GNPTAB: variants seen among roughly 807,000 people sequenced by gnomAD.
The protein encoded by GNPTAB is N-acetylglucosamine-1-phosphotransferase subunits alpha/beta.
GNPTAB carries 92 observed loss-of-function variants against 136.6 expected under a neutral mutation model. That is an observed-to-expected ratio of 0.67 (90% CI 0.57 to 0.80). GNPTAB has a LOEUF of 0.80. Among genes scored for constraint, GNPTAB ranks in the 30% least tolerant of loss-of-function variants. The pLI, the probability that GNPTAB is intolerant of heterozygous loss-of-function variation, is 0.00. For synonymous variants in GNPTAB, 512 were observed against 535.1 expected, an observed-to-expected ratio of 0.96 and a Z score of 0.60; for missense variants, 1,343 against 1,501.8, an observed-to-expected ratio of 0.89 and a Z score of 1.75.
Position 101,759,948 on chromosome 12 carries a change from A to C in GNPTAB, c.3249+82T>G. ...ACCATAGAGCCTGCTGCTAGTTCTG[A>C]AGTGCTATACAGAAATGCTGTAAGT... On this transcript the variant is annotated intron_variant, in intron 16 of 20. Transcript: ENST00000299314. The C allele has an allele frequency of 3.6e-6, 3 of 840,702 alleles. 1 individual carries two copies. In the South Asian group the frequency reaches 4.0e-5, roughly 11 times the overall value. The allele number at this position is 840,702 out of a possible 1,614,324, so 52.1% of individuals were successfully genotyped here.
chr12:101,776,961 C>A (rs572255310), intron 7 of GNPTAB, among the ~76,000 whole-genome samples: 1 of 152,302 alleles, frequency 6.6e-6, no homozygotes, highest in African/African-American at 2.4e-5. Context: ...ACAGCCCTCT[C>A]CTCTGACATG....
At chr12:101,779,849 T>C (rs1953313590) in intron 7 of GNPTAB, 1 of 411,182 alleles carries the variant, frequency 2.4e-6, no homozygotes, top group African/African-American at 2.0e-5. Context: ...CACCCGATCT[T>C]GTCTGATCTC....
intron 7 of GNPTAB, among the ~76,000 whole-genome samples, chr12:101,777,629 C>T (rs1594227166): frequency 1.3e-5 from 2 of 152,164 alleles, no homozygotes; most frequent in Admixed American, 1.3e-4. Flanking sequence ...CACCTAAAGC[C>T]CAGATGTTCT....
intron 7 of GNPTAB, among the ~76,000 whole-genome samples, chr12:101,777,141 G>T (rs941056238): frequency 4.6e-5 from 7 of 152,182 alleles, no homozygotes; most frequent in Non-Finnish European, 7.3e-5. Flanking sequence ...TGAATAGCTT[G>T]TAAGTCACCA....
intron 5 of GNPTAB, 55 bp from the exon 6 acceptor site, chr12:101,780,676 T>C: frequency 9.0e-7 from 1 of 1,107,966 alleles, no homozygotes; most frequent in South Asian, 1.2e-5. Context: ...TCAACTATGG[T>C]GTCTGGCAGA....
chr12:101,768,285 A>G (rs1953123813), intron 10 of GNPTAB, 125 bp from the exon 11 acceptor site: 1 of 1,034,920 alleles, frequency 9.7e-7, no homozygotes, highest in African/African-American at 1.6e-5. Flanking sequence ...CAAAGGGCTC[A>G]GCGTTCACAC....
At chr12:101,803,141 A>G (rs1869738804) in intron 1 of GNPTAB, among the ~76,000 whole-genome samples, 3 of 152,178 alleles carry the variant, frequency 2.0e-5, no homozygotes, top group African/African-American at 7.2e-5. Flanking sequence ...GAGGCCTTAG[A>G]AGCTGCCTCA....
intron 1 of GNPTAB, among the ~76,000 whole-genome samples, chr12:101,804,729 C>T (rs11111034): frequency 0.051 from 7,718 of 152,238 alleles, 666 homozygotes; most frequent in African/African-American, 0.18. Flanking sequence ...ATTTTGGTCA[C>T]GGCACTAAGT....
rs1432976175 is a variant in GNPTAB at position 101,830,915 on chromosome 12, A to AGGCGGCCGGCGC, written c.-252_-241dup. ...GGCGGAGGCGGACCTGCGGCCGGCGAGGCGGCCGGCGCCGCCCGGGTCTGG... is the reference window on the plus strand; with the variant it reads ...GGCGGAGGCGGACCTGCGGCCGGCGAGGCGGCCGGCGCGGCGGCCGGCGCCGCCCGGGTCTGG... On this transcript the variant is annotated 5_prime_UTR_variant, in exon 1 of 21. Coordinates refer to ENST00000299314, the MANE Select transcript of GNPTAB (RefSeq NM_024312.5). 6.8e-6 allele frequency: 1 copy of AGGCGGCCGGCGC among 146,562 alleles called. No individual in the cohort carries two copies. The highest frequency in any genetic ancestry group is 1.5e-5 in the Non-Finnish European group (1 of 66,356). 9.1% of individuals were successfully genotyped at this position (146,562 alleles called of 1,614,324 possible).
In GNPTAB at chr12:101,766,098, A is replaced by G. The variant is rs778795220; in HGVS notation, c.1605T>C (p.Cys535=). 6.2e-7 allele frequency: 1 copy of G among 1,613,962 alleles called. No homozygotes were observed. Among genetic ancestry groups the G allele is most frequent in the Non-Finnish European group, 8.5e-7 (1 of 1,179,862 alleles). The change falls in exon 12 of 21, where the codon TGT becomes TGC. Residue 535 remains cysteine, a synonymous_variant. Coordinates refer to ENST00000299314, the MANE Select transcript of GNPTAB (RefSeq NM_024312.5). ...GTTTGGCAGTAAACATACCTTGCCC[A>G]CAGTCGCCAGCATCAAACCCACAGG... is the stretch of plus-strand genomic sequence containing the variant. The part of the protein sequence containing the change: ...VLSCGFDAGD[C]GQDHFHELYK...
At chr12:101,817,148 T>C (rs1870549202) in intron 1 of GNPTAB, among the ~76,000 whole-genome samples, 1 of 151,912 alleles carries the variant, frequency 6.6e-6, no homozygotes, top group Non-Finnish European at 1.5e-5. Context: ...TAATTAACAA[T>C]AATTTATTGT....
chr12:101,796,477 T>C (rs1869296208), intron 2 of GNPTAB, 200 bp downstream of exon 2: 1 of 599,882 alleles, frequency 1.7e-6, no homozygotes, highest in African/African-American at 1.9e-5. Flanking sequence ...ACTAATCTTC[T>C]CTGTATCGTT....
chr12:101,819,346 G>A (rs187085396), intron 1 of GNPTAB, among the ~76,000 whole-genome samples: 12 of 152,158 alleles, frequency 7.9e-5, no homozygotes, highest in East Asian at 5.8e-4. Flanking sequence ...ACCCAGTCTC[G>A]CGTATGTCTT....
intron 2 of GNPTAB, among the ~76,000 whole-genome samples, chr12:101,792,407 T>C (rs959375439): frequency 6.6e-6 from 1 of 152,258 alleles, no homozygotes. Flanking sequence ...CTCTGGCATA[T>C]GTGATAGCTG....
chr12:101,824,441 T>TC (rs1394600843), intron 1 of GNPTAB, among the ~76,000 whole-genome samples: 1 of 133,520 alleles, frequency 7.5e-6, no homozygotes, highest in East Asian at 2.4e-4. Flanking sequence ...TATTTTCTTT[T>TC]TTTTTTTTTT....
chr12:101,817,265 C>CTTTTTT (rs71438444), intron 1 of GNPTAB, among the ~76,000 whole-genome samples: 4 of 108,188 alleles, frequency 3.7e-5, no homozygotes, highest in African/African-American at 7.5e-5. Context: ...TATCATTCCA[C>CTTTTTT]TTTTTTTTTT....
chr12:101,759,497 TC>T (rs1235989548), intron 16 of GNPTAB, among the ~76,000 whole-genome samples: 5 of 152,086 alleles, frequency 3.3e-5, no homozygotes, highest in African/African-American at 1.2e-4. Context: ...TGTATTATAT[TC>T]ATTTCATCAA....
In GNPTAB at chr12:101,799,009, C is replaced by T. The variant is rs147226024; in HGVS notation, c.118-2247G>A. ...TGAGGTCTGCAGTGGTGGTTGCTGG[C>T]CATTTCAAGACAAAAGAATTTAGCT... is the stretch of plus-strand genomic sequence containing the variant. On this transcript the variant is annotated intron_variant, in intron 1 of 20. Transcript: ENST00000299314. Among the ~76,000 whole-genome samples the T allele has an allele frequency of 4.0e-3, 602 of 151,932 alleles. 32 individuals carry two copies. The South Asian group carries it at 0.1, about 26-fold the overall frequency.
At chr12:101,822,334 A>AC (rs1260720272) in intron 1 of GNPTAB, among the ~76,000 whole-genome samples, 2 of 151,978 alleles carry the variant, frequency 1.3e-5, no homozygotes, top group African/African-American at 4.8e-5. Context: ...AATGGCGTGA[A>AC]CCCCGGGGGG....
Sources: allele counts gnomAD v4.1 joint callset (sites outside exome capture counted in the v4.1 genomes callset), GRCh38; gene constraint gnomAD v4.1.1; transcripts MANE v1.5; gene names NCBI Gene and HGNC (gene_info 2026-07-23, HGNC 2026-07-21).